The following MBTPS1 variants were observed in gnomAD, a reference collection of about 807,000 sequenced individuals.
MBTPS1 encodes the protein membrane bound transcription factor peptidase, site 1.
MBTPS1 carries 94 observed loss-of-function variants against 127.8 expected under a neutral mutation model. The observed-to-expected ratio is 0.74, with a 90% CI of 0.62 to 0.87. MBTPS1 has a LOEUF of 0.87. Among genes scored for constraint, MBTPS1 ranks in the 40% least tolerant of loss-of-function variants. MBTPS1 has a pLI of 0.00. For missense variants in MBTPS1, 1,636 were observed against 1,353.2 expected, an observed-to-expected ratio of 1.21 and a Z score of -3.28; for synonymous variants, 632 against 509.4, an observed-to-expected ratio of 1.24 and a Z score of -3.24.
At chr16:84,059,485 A>C (rs528586421) in intron 20 of MBTPS1, 57 bp from the exon 21 acceptor site, 14 of 1,539,050 alleles carry the variant, frequency 9.1e-6, no homozygotes, top group African/African-American at 6.8e-5. Context: ...CTAAAATGCA[A>C]AGGAAAAAGG....
intron 1 of MBTPS1, chr16:84,109,608 C>G (rs957497946): frequency 6.6e-6 from 1 of 152,170 alleles, no homozygotes; most frequent in Non-Finnish European, 1.5e-5. Flanking sequence ...TGAGAAACAT[C>G]AGACCAACCC....
Position 84,101,852 on chromosome 16 carries a change from T to A in MBTPS1, c.-69A>T. On this transcript the variant is annotated 5_prime_UTR_variant, in exon 2 of 23. Coordinates refer to ENST00000343411, the MANE Select transcript of MBTPS1 (RefSeq NM_003791.4). ...ACACTTTTTTCTTCTTGATTAAAAG[T>A]GAATTTTTGTTTCAGCTAAAAGCTG... 6.9e-7 allele frequency: 1 copy of A among 1,455,248 alleles called. No homozygotes were observed. Among genetic ancestry groups the A allele is most frequent in the South Asian group, 1.2e-5 (1 of 80,428 alleles). The allele number at this position is 1,455,248 out of a possible 1,614,324, so 90.1% of individuals were successfully genotyped here. A position where few individuals can be genotyped will look rare whatever the true frequency, so the allele number is the denominator to read the frequency against.
Position 84,081,899 on chromosome 16 carries a change from C to A in MBTPS1, c.1296G>T (p.Gln432His). The A allele has an allele frequency of 7.1e-7, 1 of 1,409,692 alleles. No individual in the cohort carries two copies. Among genetic ancestry groups the A allele is most frequent in the Non-Finnish European group, 9.3e-7 (1 of 1,072,308 alleles). The allele number at this position is 1,409,692 out of a possible 1,614,324, so 87.3% of individuals were successfully genotyped here. Reference protein sequence around the residue: ...GAVTLLVSTVQKRELVNPASM... With the variant: ...GAVTLLVSTVHKRELVNPASM... ...TGGCGGGATTCACCAGCTCACGCTT[C>A]TGGACTGTGCTGGAGGAAAAATCAA... Residue 432 changes from glutamine (Q) to histidine (H), a missense_variant, in exon 11 of 23, where the codon CAG (glutamine) becomes CAT (histidine). Transcript: ENST00000343411.
chr16:84,091,242 T>C (rs2086102066), intron 7 of MBTPS1, among the ~76,000 whole-genome samples: 1 of 152,048 alleles, frequency 6.6e-6, no homozygotes, highest in Non-Finnish European at 1.5e-5. Flanking sequence ...TCCCAGCACT[T>C]TGAAAGGCTG....
rs2085484470 is a variant in MBTPS1, at chr16:84,054,391, C to T, written c.*58G>A. On this transcript the variant is annotated 3_prime_UTR_variant, in exon 23 of 23. Transcript: ENST00000343411. Reference sequence around the variant, plus strand: ...CCAGCCGCCACCACAGCTCGGCTCACCCACCAGCGCCGTCCGTGAAGGCTC... The same window carrying T: ...CCAGCCGCCACCACAGCTCGGCTCATCCACCAGCGCCGTCCGTGAAGGCTC... The T allele has an allele frequency of 5.5e-6, 8 of 1,458,612 alleles. No individual in the cohort carries two copies. Among genetic ancestry groups the T allele is most frequent in the Non-Finnish European group, 7.3e-6 (8 of 1,091,128 alleles). The allele number at this position is 1,458,612 out of a possible 1,614,324, so 90.4% of individuals were successfully genotyped here.
rs1236243325 is a variant in MBTPS1 at position 84,095,001 on chromosome 16, T to C, written c.625+601A>G. The stretch of plus-strand genomic sequence containing the variant: ...AAAAATCTTCACATTAGATAAAACA[T>C]GAAGGTTTGGTCATGATGAATCAGC... On this transcript the variant is annotated intron_variant, in intron 4 of 22. Transcript: ENST00000343411. Among the ~76,000 whole-genome samples the C allele has an allele frequency of 3.3e-5, 5 of 152,284 alleles. No homozygotes were observed. The East Asian group carries it at 7.7e-4, about 23-fold the overall frequency.
intron 6 of MBTPS1, 139 bp from the exon 7 acceptor site, chr16:84,091,987 G>T: frequency 1.6e-6 from 1 of 609,082 alleles, no homozygotes; most frequent in Non-Finnish European, 3.0e-6. Context: ...AATGAATCCT[G>T]AGCATGCATA....
At position 84,055,985 on chromosome 16, in the gene MBTPS1, C is replaced by G; in HGVS notation, c.2962+20G>C. The G allele has an allele frequency of 6.2e-7, 1 of 1,603,768 alleles. No individual in the cohort carries two copies. Among genetic ancestry groups the G allele is most frequent in the East Asian group, 2.2e-5 (1 of 44,520 alleles). On this transcript the variant is annotated intron_variant, in intron 22 of 22. Transcript: ENST00000343411. ...AATACAGGATGACTGAGCACAATCACAAAGCAGCCGAGAACTCACCTCCAG... is the reference window on the plus strand; with the variant it reads ...AATACAGGATGACTGAGCACAATCAGAAAGCAGCCGAGAACTCACCTCCAG...
chr16:84,070,687 G>A lies in MBTPS1; in HGVS notation c.1683C>T (p.Tyr561=), dbSNP rs1199772163. The A allele has an allele frequency of 1.9e-6, 3 of 1,614,078 alleles. No homozygotes were observed. The highest frequency in any genetic ancestry group is 2.2e-5 in the East Asian group (1 of 44,892). The change falls in exon 13 of 23, where the codon TAC becomes TAT. Residue 561 remains tyrosine, a synonymous_variant. Transcript: ENST00000343411. ...YSSVLWPWSG[Y]LAISISVTKK... ...TGGTCACAGAAATGGAGATGGCCAG[G>A]TAGCCCGACCAAGGCCATAAGACCG...
chr16:84,079,898 G>A (rs770598709), intron 11 of MBTPS1, among the ~76,000 whole-genome samples: 3 of 152,228 alleles, frequency 2.0e-5, no homozygotes, highest in South Asian at 2.1e-4. Flanking sequence ...GAAGAGCGCA[G>A]TAACCACTGT....
intron 14 of MBTPS1, among the ~76,000 whole-genome samples, chr16:84,069,004 T>C (rs2085730956): frequency 6.6e-6 from 1 of 152,082 alleles, no homozygotes; most frequent in South Asian, 2.1e-4. Flanking sequence ...AGACTCCAGG[T>C]CCTCTCCTGC....
At position 84,070,622 on chromosome 16, in the gene MBTPS1, A is replaced by G; in HGVS notation, c.1748T>C (p.Val583Ala). Residue 583 changes from valine (V) to alanine (A), a missense_variant, in exon 13 of 23, where the codon GTC (valine) becomes GCC (alanine). By Grantham distance (64) the Val-to-Ala change is moderately conservative. Transcript: ENST00000343411. Reference protein sequence around the residue: ...ASWEGIAQGHVMITVASPAET... With the variant: ...ASWEGIAQGHAMITVASPAET... The stretch of plus-strand genomic sequence containing the variant: ...TGCTGGGGAAGCCACAGTGATCATG[A>G]CATGGCCCTGAGCAATGCCTTCCCA... 1.2e-6 allele frequency: 2 copies of G among 1,613,192 alleles called. No individual in the cohort carries two copies. Among genetic ancestry groups the G allele is most frequent in the Non-Finnish European group, 1.7e-6 (2 of 1,179,886 alleles).
chr16:84,069,674 CA>C (rs2085741816), intron 14 of MBTPS1, among the ~76,000 whole-genome samples, 191 bp downstream of exon 14: 1 of 152,216 alleles, frequency 6.6e-6, no homozygotes, highest in Admixed American at 6.5e-5. Flanking sequence ...ACTGCATAAT[CA>C]TACTTGTGAA....
chr16:84,070,061 T>C (rs1303490953), intron 13 of MBTPS1, 23 bp from the exon 14 acceptor site: 1 of 1,550,692 alleles, frequency 6.4e-7, no homozygotes, highest in South Asian at 1.2e-5. Context: ...AAAAGAAACT[T>C]GAAACGCCCT....
At chr16:84,084,863 G>T in intron 10 of MBTPS1, 120 bp downstream of exon 10, 1 of 990,880 alleles carries the variant, frequency 1.0e-6, no homozygotes, top group Non-Finnish European at 1.5e-6. Flanking sequence ...GCAAGGCTGT[G>T]AAGGGCCTAA....
chr16:84,058,617 G>C (rs900547057), intron 21 of MBTPS1, among the ~76,000 whole-genome samples: 9 of 152,204 alleles, frequency 5.9e-5, no homozygotes, highest in Non-Finnish European at 1.2e-4. Context: ...GAAAAAGTAA[G>C]GGGGTGGCAT....
At chr16:84,063,094 T>C (rs1345930377) in intron 19 of MBTPS1, among the ~76,000 whole-genome samples, 1 of 152,260 alleles carries the variant, frequency 6.6e-6, no homozygotes, top group Non-Finnish European at 1.5e-5. Flanking sequence ...CCCCAACAAG[T>C]AGCTTTGTTT....
Position 84,070,756 on chromosome 16 carries a change from C to T in MBTPS1, c.1614G>A (p.Leu538=), listed in dbSNP as rs1294908635. 1 of 1,610,392 alleles carries T rather than the reference C, an allele frequency of 6.2e-7. No individual in the cohort carries two copies. The highest frequency in any genetic ancestry group is 2.2e-5 in the East Asian group (1 of 44,730). Residue 538 remains leucine, a synonymous_variant, in exon 13 of 23, where the codon TTG becomes TTA. Coordinates refer to ENST00000343411, the MANE Select transcript of MBTPS1 (RefSeq NM_003791.4). ...IVDKPDWQPY[L]PQNGDNIEVA... ...CTTCAATGTTGTCTCCGTTCTGTGG[C>T]AAATAGGGCTGCCAGTCAGGCTGCA... is the stretch of plus-strand genomic sequence containing the variant.
Position 84,054,312 on chromosome 16 carries a change from C to CTA in MBTPS1, c.*136_*137insTA. On this transcript the variant is annotated 3_prime_UTR_variant, in exon 23 of 23. Transcript: ENST00000343411. ...CTCTGCCCATCACAGGAGGGCAGGC[C>CTA]CATGTAGAACAGACTCTAACAAACC... 3 of 664,526 alleles carry CTA rather than the reference C, an allele frequency of 4.5e-6. No homozygotes were observed. Among genetic ancestry groups the CTA allele is most frequent in the Middle Eastern group, 2.5e-4 (1 of 3,932 alleles). The allele number at this position is 664,526 out of a possible 1,614,324, so 41.2% of individuals were successfully genotyped here. A position where few individuals can be genotyped will look rare whatever the true frequency, so the allele number is the denominator to read the frequency against.
Sources: allele counts gnomAD v4.1 joint callset (sites outside exome capture counted in the v4.1 genomes callset), GRCh38; gene constraint gnomAD v4.1.1; transcripts MANE v1.5; gene names NCBI Gene and HGNC (gene_info 2026-07-23, HGNC 2026-07-21).